Variants in ACTR3C observed in about 807,000 individuals in gnomAD.
The protein encoded by ACTR3C is actin related protein 3C, also known as actin-related protein 3C.
A neutral mutation model predicts 26.3 loss-of-function variants in ACTR3C; 18 were observed. That is an observed-to-expected ratio of 0.68 (90% confidence interval 0.47 to 1.01). ACTR3C has a LOEUF of 1.01. ACTR3C is among the 50% of genes least tolerant of loss of function. ACTR3C has a pLI of 0.00. For synonymous variants in ACTR3C, 55 were observed against 94.5 expected, an observed-to-expected ratio of 0.58 and a Z score of 2.42; for missense variants, 184 against 250.7, an observed-to-expected ratio of 0.73 and a Z score of 1.80.
chr7:150,050,112 G>A, the ACTR3C span, among the ~76,000 whole-genome samples: 1 of 152,114 alleles, frequency 6.6e-6, no homozygotes, highest in South Asian at 2.1e-4. Context: ...GGAGGAAGCT[G>A]CCTCTCCTAA....
chr7:150,290,884 T>C, intron 3 of ACTR3C, among the ~76,000 whole-genome samples: 1 of 152,306 alleles, frequency 6.6e-6, no homozygotes, highest in Admixed American at 6.5e-5. Flanking sequence ...GTTAAATAAA[T>C]ATCAGCTCAT....
the ACTR3C span, among the ~76,000 whole-genome samples, chr7:150,216,635 C>G: frequency 6.6e-5 from 10 of 152,006 alleles, no homozygotes; most frequent in Admixed American, 3.3e-4. Flanking sequence ...CCATCCTACT[C>G]ATACCCTCTG....
At chr7:150,294,232 G>A (rs1836538881) in intron 2 of ACTR3C, among the ~76,000 whole-genome samples, 4 of 152,340 alleles carry the variant, frequency 2.6e-5, no homozygotes, top group South Asian at 2.1e-4. Flanking sequence ...GGGGCGGGGA[G>A]GCTTGAGGTG....
At chr7:149,887,088 T>C in the ACTR3C span, among the ~76,000 whole-genome samples, 3 of 151,918 alleles carry the variant, frequency 2.0e-5, no homozygotes, top group African/African-American at 7.3e-5. Flanking sequence ...ACTATAAATG[T>C]ACTAGAAAAA....
chr7:150,303,840 G>C (rs184525502), intron 1 of ACTR3C, among the ~76,000 whole-genome samples: 1 of 152,192 alleles, frequency 6.6e-6, no homozygotes, highest in Non-Finnish European at 1.5e-5. Flanking sequence ...GAATAATCTG[G>C]TTTTTTAAAT....
At chr7:149,970,843 A>G in the ACTR3C span, among the ~76,000 whole-genome samples, 1 of 152,200 alleles carries the variant, frequency 6.6e-6, no homozygotes, top group Non-Finnish European at 1.5e-5. Context: ...TTTCTCTAAT[A>G]TCTTTCTGAT....
the ACTR3C span, among the ~76,000 whole-genome samples, chr7:150,131,818 C>T: frequency 6.6e-5 from 10 of 152,180 alleles, no homozygotes; most frequent in Non-Finnish European, 1.3e-4. Flanking sequence ...CAATGTCCAC[C>T]ATGGATCAAC....
chr7:150,321,566 C>G (rs1306035782), intron 1 of ACTR3C, among the ~76,000 whole-genome samples: 1 of 152,074 alleles, frequency 6.6e-6, no homozygotes, highest in African/African-American at 2.4e-5. Flanking sequence ...ATGGCGAAAC[C>G]CCGTCTCTAC....
chr7:149,980,732 C>A, the ACTR3C span, among the ~76,000 whole-genome samples: 6 of 152,156 alleles, frequency 3.9e-5, no homozygotes, highest in Non-Finnish European at 8.8e-5. Context: ...GTATGTCTTA[C>A]CTAACAGGCA....
chr7:149,925,283 T>C, the ACTR3C span, among the ~76,000 whole-genome samples: 4,412 of 152,250 alleles, frequency 0.029, 290 homozygotes, highest in East Asian at 0.28. Context: ...GATGATGATG[T>C]TCATTAAATT....
chr7:150,298,974 C>CTTTTTTTTTTTTT (rs550994860), intron 1 of ACTR3C, among the ~76,000 whole-genome samples: 1 of 82,516 alleles, frequency 1.2e-5, no homozygotes, highest in Non-Finnish European at 2.2e-5. Flanking sequence ...GTAATGAAAA[C>CTTTTTTTTTTTTT]TTTTTTTTTT....
At chr7:149,995,804 C>G in the ACTR3C span, among the ~76,000 whole-genome samples, 1 of 152,222 alleles carries the variant, frequency 6.6e-6, no homozygotes, top group African/African-American at 2.4e-5. Flanking sequence ...TGAGGGGCAC[C>G]GTTGGCAGGA....
At chr7:150,202,817 AG>A in the ACTR3C span, among the ~76,000 whole-genome samples, 1 of 152,366 alleles carries the variant, frequency 6.6e-6, no homozygotes. Flanking sequence ...GAGATGATAA[AG>A]CTTGTTAATG....
At chr7:150,281,763 A>C (rs1464930605) in intron 6 of ACTR3C, among the ~76,000 whole-genome samples, 1 of 152,068 alleles carries the variant, frequency 6.6e-6, no homozygotes, top group Non-Finnish European at 1.5e-5. Flanking sequence ...GTAACTCCTC[A>C]CATGTCTACA....
the ACTR3C span, among the ~76,000 whole-genome samples, chr7:150,198,810 G>GT: frequency 3.4e-4 from 49 of 146,252 alleles, no homozygotes; most frequent in African/African-American, 1.1e-3. Flanking sequence ...AGGTGGGGGG[G>GT]TCAGCCCCCC....
the ACTR3C span, among the ~76,000 whole-genome samples, chr7:150,226,606 T>G: frequency 1.3e-5 from 2 of 152,090 alleles, no homozygotes; most frequent in Admixed American, 1.3e-4. Flanking sequence ...CTGGCTAATT[T>G]TTTGTATTTT....
At chr7:150,316,121 C>T (rs559439366) in intron 1 of ACTR3C, among the ~76,000 whole-genome samples, 49 of 152,238 alleles carry the variant, frequency 3.2e-4, no homozygotes, top group Non-Finnish European at 5.6e-4. Flanking sequence ...TGCCTGAACC[C>T]GGGAGGTGGA....
At chr7:150,192,303 T>A in the ACTR3C span, among the ~76,000 whole-genome samples, 1 of 151,980 alleles carries the variant, frequency 6.6e-6, no homozygotes, top group Admixed American at 6.5e-5. Context: ...TATTACTTTT[T>A]TTTTTCCAAG....
At chr7:150,106,463 T>A in the ACTR3C span, among the ~76,000 whole-genome samples, 1 of 151,230 alleles carries the variant, frequency 6.6e-6, no homozygotes, top group South Asian at 2.1e-4. Flanking sequence ...ACTTTTTTAT[T>A]CCCTCATTGT....
Sources: allele counts gnomAD v4.1 joint callset (sites outside exome capture counted in the v4.1 genomes callset), GRCh38; gene constraint gnomAD v4.1.1; transcripts MANE v1.5; gene names NCBI Gene and HGNC (gene_info 2026-07-23, HGNC 2026-07-21).